CAPN2: variants seen among roughly 807,000 people sequenced by gnomAD.
The protein encoded by CAPN2 is calpain-2 catalytic subunit.
CAPN2 carries 92 observed loss-of-function variants against 102.3 expected under a neutral mutation model. The ratio of observed to expected loss-of-function variants is 0.90; its 90% CI spans 0.76 to 1.07. The LOEUF (loss-of-function observed/expected upper bound fraction) is 1.07. CAPN2 is among the 50% of genes least tolerant of loss of function. The pLI is 0.00. For missense variants in CAPN2, 800 were observed against 909.4 expected, an observed-to-expected ratio of 0.88 and a Z score of 1.55; for synonymous variants, 340 against 355.4, an observed-to-expected ratio of 0.96 and a Z score of 0.49.
At position 223,766,665 on chromosome 1, in the gene CAPN2, A is replaced by G. The variant is rs1661341297; in HGVS notation, c.1755+234A>G. ...CTCCCACCTACCCTGAAAGGCTTAG[A>G]ATGCAGGCCCATGGCGGGCGGTGGC... is the stretch of plus-strand genomic sequence containing the variant. On this transcript the variant is annotated intron_variant, in intron 16 of 20. Coordinates refer to ENST00000295006, the MANE Select transcript of CAPN2 (RefSeq NM_001748.5). 2.0e-5 allele frequency among the ~76,000 whole-genome samples: 3 copies of G among 152,154 alleles called. No homozygotes were observed. In the South Asian group the frequency reaches 6.2e-4, roughly 32 times the overall value.
At chr1:223,732,229 T>C (rs1660356520) in intron 2 of CAPN2, among the ~76,000 whole-genome samples, 1 of 152,164 alleles carries the variant, frequency 6.6e-6, no homozygotes, top group Non-Finnish European at 1.5e-5. Context: ...GAAAGGGTTC[T>C]TGGATCCCGC....
intron 2 of CAPN2, among the ~76,000 whole-genome samples, chr1:223,740,318 T>G (rs572619041): frequency 6.6e-6 from 1 of 152,266 alleles, no homozygotes; most frequent in South Asian, 2.1e-4. Context: ...GCAAGGACAT[T>G]TTTATACTTT....
chr1:223,769,405 G>A (rs1480489196), intron 16 of CAPN2, among the ~76,000 whole-genome samples: 1 of 152,100 alleles, frequency 6.6e-6, no homozygotes, highest in Non-Finnish European at 1.5e-5. Flanking sequence ...AGAGGTGTGA[G>A]CCACCATGCC....
rs868653092 is a variant in CAPN2 at position 223,742,502 on chromosome 1, A to G, written c.308-1598A>G. Among the ~76,000 whole-genome samples the G allele has an allele frequency of 1.0e-3, 113 of 111,110 alleles. 1 individual carries two copies. The highest frequency in any genetic ancestry group is 2.1e-3 in the South Asian group (8 of 3,888). 72.9% of individuals were successfully genotyped at this position (111,110 alleles called of 152,430 possible). A position where few individuals can be genotyped will look rare whatever the true frequency, so the allele number is the denominator to read the frequency against. On this transcript the variant is annotated intron_variant, in intron 2 of 20. Transcript: ENST00000295006. Reference sequence around the variant, plus strand: ...ACATATTTTATATATATGTGTGTATATATATATATATATATATTTTTTTTT... The same window carrying G: ...ACATATTTTATATATATGTGTGTATGTATATATATATATATATTTTTTTTT...
At chr1:223,762,364 G>C (rs772766563) in intron 14 of CAPN2, 113 bp downstream of exon 14, 3 of 859,536 alleles carry the variant, frequency 3.5e-6, no homozygotes, top group Non-Finnish European at 5.7e-6. Flanking sequence ...CTGAACAAAA[G>C]CAAAGAGAAA....
intron 14 of CAPN2, among the ~76,000 whole-genome samples, chr1:223,763,300 A>G (rs1415308048): frequency 6.6e-6 from 1 of 151,712 alleles, no homozygotes; most frequent in African/African-American, 2.4e-5. Context: ...AAGACCCATC[A>G]AAGTACTAAG....
At position 223,770,644 on chromosome 1, in the gene CAPN2, G is replaced by A. The variant is rs575004111; in HGVS notation, c.1903+119G>A. 181 of 639,272 alleles carry A rather than the reference G, an allele frequency of 2.8e-4. 1 individual carries two copies. Among genetic ancestry groups the A allele is most frequent in the Admixed American group, 6.6e-4 (22 of 33,378 alleles). The allele number at this position is 639,272 out of a possible 1,614,324, so 39.6% of individuals were successfully genotyped here. On this transcript the variant is annotated intron_variant, in intron 18 of 20. Transcript: ENST00000295006. ...AAGCTATAAAATAAAGTAGGTGCTG[G>A]TTTAATACAGACACCTCCTTTTCAT... is the stretch of plus-strand genomic sequence containing the variant.
At position 223,761,588 on chromosome 1, in the gene CAPN2, G is replaced by A. The variant is rs369320951; in HGVS notation, c.1537G>A (p.Asp513Asn). 72 of 1,612,412 alleles carry A rather than the reference G, an allele frequency of 4.5e-5. No individual in the cohort carries two copies. Among genetic ancestry groups the A allele is most frequent in the Middle Eastern group, 3.3e-4 (2 of 6,080 alleles). The change falls in exon 13 of 21, where the codon GAT becomes AAT. Residue 513 changes from aspartate to asparagine, a missense_variant. Coordinates refer to ENST00000295006, the MANE Select transcript of CAPN2 (RefSeq NM_001748.5). ...SEKKADYQAV[D>N]DEIEANLEEF... Reference sequence around the variant, plus strand: ...ATTTCCTTCTATTTCCAGAGCTGTCGATGATGAAATCGAGGCCAATCTTGA... The same window carrying A: ...ATTTCCTTCTATTTCCAGAGCTGTCAATGATGAAATCGAGGCCAATCTTGA...
At chr1:223,722,129 G>C (rs1326351198) in intron 2 of CAPN2, among the ~76,000 whole-genome samples, 4 of 151,884 alleles carry the variant, frequency 2.6e-5, no homozygotes, top group Non-Finnish European at 4.4e-5. Flanking sequence ...CCTGTGTTTG[G>C]GTAACACACA....
intron 20 of CAPN2, among the ~76,000 whole-genome samples, chr1:223,774,157 C>T (rs776606962): frequency 4.6e-5 from 7 of 152,188 alleles, no homozygotes; most frequent in Non-Finnish European, 7.4e-5. Flanking sequence ...CCCAGCCACC[C>T]ACCCCCACTC....
At chr1:223,753,871 A>G (rs1049724108) in intron 9 of CAPN2, among the ~76,000 whole-genome samples, 10 of 152,348 alleles carry the variant, frequency 6.6e-5, no homozygotes, top group Middle Eastern at 6.8e-3. Context: ...CATCCCTAAG[A>G]TATGTTATGT....
chr1:223,713,059 G>C (rs527462808), intron 1 of CAPN2, among the ~76,000 whole-genome samples, 182 bp downstream of exon 1: 11 of 152,334 alleles, frequency 7.2e-5, no homozygotes, highest in South Asian at 2.1e-4. Context: ...GTTCGAGCGT[G>C]GGGGGACTCC....
intron 5 of CAPN2, among the ~76,000 whole-genome samples, chr1:223,748,811 G>A (rs1045524172): frequency 1.3e-5 from 2 of 152,244 alleles, no homozygotes; most frequent in African/African-American, 4.8e-5. Flanking sequence ...TTCCGCGAGA[G>A]GGTTGCATTC....
Position 223,759,296 on chromosome 1 carries a change from C to G in CAPN2, c.1344C>G (p.Leu448=). 3 of 1,614,212 alleles carry G rather than the reference C, an allele frequency of 1.9e-6. No individual in the cohort carries two copies. The highest frequency in any genetic ancestry group is 1.1e-5 in the South Asian group (1 of 91,088). ...EELSGQTNIH[L]SKNFFLTNRA... ...TAAGTGGGCAGACCAACATCCACCT[C>G]AGCAAAAACTTCTTCCTGACGAATC... The change falls in exon 12 of 21, where the codon CTC becomes CTG. Residue 448 remains leucine, a synonymous_variant. Coordinates refer to ENST00000295006, the MANE Select transcript of CAPN2 (RefSeq NM_001748.5). This position sits in a 1 kb window ranked among gnomAD's most constrained non-coding sequence, Gnocchi z 4.6.
Position 223,725,417 on chromosome 1 carries a change from G to A in CAPN2, c.307+7586G>A, listed in dbSNP as rs1052511739. ...AAAATTGTGTCTACCTCAGAGGACTGTAAAGATGAAATGAAATAATAGACA... is the reference window on the plus strand; with the variant it reads ...AAAATTGTGTCTACCTCAGAGGACTATAAAGATGAAATGAAATAATAGACA... On this transcript the variant is annotated intron_variant, in intron 2 of 20. Coordinates refer to ENST00000295006, the MANE Select transcript of CAPN2 (RefSeq NM_001748.5). This position sits in a 1 kb window ranked among gnomAD's most constrained non-coding sequence, Gnocchi z 4.1. Among the ~76,000 whole-genome samples, 4 of 152,104 alleles carry A rather than the reference G, an allele frequency of 2.6e-5. No homozygotes were observed. The highest frequency in any genetic ancestry group is 9.7e-5 in the African/African-American group (4 of 41,414).
rs188459412 is a variant in CAPN2, at chr1:223,725,243, C to T, written c.307+7412C>T. Among the ~76,000 whole-genome samples, 104 of 152,200 alleles carry T rather than the reference C, an allele frequency of 6.8e-4. 1 individual carries two copies. Among genetic ancestry groups the T allele is most frequent in the Admixed American group, 1.4e-3 (21 of 15,278 alleles). ...TATGAAATACAAACAATTAGCCGGG[C>T]GTGGTGGCATGCACTTGTAGTCCCA... is the stretch of plus-strand genomic sequence containing the variant. On this transcript the variant is annotated intron_variant, in intron 2 of 20. Transcript: ENST00000295006. This position sits in a 1 kb window ranked among gnomAD's most constrained non-coding sequence, Gnocchi z 4.1.
intron 2 of CAPN2, among the ~76,000 whole-genome samples, chr1:223,742,355 G>T (rs2102794718): frequency 6.6e-6 from 1 of 151,948 alleles, no homozygotes; most frequent in East Asian, 1.9e-4. Flanking sequence ...TGACACCATT[G>T]CACTCCAGCC....
Position 223,755,365 on chromosome 1 carries a change from C to T in CAPN2, c.1136-115C>T, listed in dbSNP as rs564225521. ...CTTACCATCTCCCACCACCTCCCAC[C>T]ATCTCCCTTTATCTCCATCCCTCTC... On this transcript the variant is annotated intron_variant, in intron 9 of 20. Coordinates refer to ENST00000295006, the MANE Select transcript of CAPN2 (RefSeq NM_001748.5). The surrounding 1 kb of genome is among the most constrained non-coding windows in gnomAD (Gnocchi z 4.1). 6.1e-6 allele frequency: 6 copies of T among 982,498 alleles called. No homozygotes were observed. The East Asian group carries it at 1.0e-4, about 16-fold the overall frequency. The allele number at this position is 982,498 out of a possible 1,614,324, so 60.9% of individuals were successfully genotyped here.
rs1558080914 is a variant in CAPN2, at chr1:223,772,199, AT to A, written c.2040del (p.Glu682ArgfsTer6). 1 of 1,614,126 alleles carries A rather than the reference AT, an allele frequency of 6.2e-7. No homozygotes were observed. Among genetic ancestry groups the A allele is most frequent in the East Asian group, 2.2e-5 (1 of 44,880 alleles). On this transcript the variant is annotated frameshift_variant, in exon 20 of 21. Transcript: ENST00000295006. LOFTEE classifies it high-confidence loss of function. Reference sequence around the variant, plus strand: ...TCCACAGAGATATTTAAGCAGCTGGATCCCGAGAATACTGGAACAATAGAGC... The same window carrying A: ...TCCACAGAGATATTTAAGCAGCTGGACCCGAGAATACTGGAACAATAGAGC... ...ETLFKIFKQLDPENTGTIELD... is the reference protein window; with the variant it reads ...ETLFKIFKQLXPENTGTIELD...
Sources: gnomAD v4.1 joint callset for allele counts (sites outside exome capture counted in the v4.1 genomes callset) on GRCh38, gnomAD v4.1.1 for gene constraint, Gnocchi (gnomAD v3.1) non-coding constraint, MANE v1.5 for transcripts, NCBI Gene and HGNC (gene_info 2026-07-23, HGNC 2026-07-21) for gene names.